GRIK2: variants seen among roughly 807,000 people sequenced by gnomAD.
The protein encoded by GRIK2 is glutamate receptor ionotropic, kainate 2.
In GRIK2, 32 loss-of-function variants were observed where a neutral mutation model predicts 100.3. That is an observed-to-expected ratio of 0.32 (90% CI 0.24 to 0.43). The LOEUF is 0.43. Among genes scored for constraint, GRIK2 ranks in the 20% least tolerant of loss-of-function variants. The pLI, the probability that GRIK2 is intolerant of heterozygous loss-of-function variation, is 1.00. For synonymous variants in GRIK2, 417 were observed against 389.4 expected, an observed-to-expected ratio of 1.07 and a Z score of -0.83; for missense variants, 843 against 1,114.9, an observed-to-expected ratio of 0.76 and a Z score of 3.47.
chr6:101,526,494 G>C (rs77577526), intron 2 of GRIK2, among the ~76,000 whole-genome samples: 5,221 of 152,246 alleles, frequency 0.034, 139 homozygotes, highest in Middle Eastern at 0.12. Context: ...ATCACAAAAT[G>C]TAGCTGGTTT....
intron 11 of GRIK2, among the ~76,000 whole-genome samples, chr6:101,861,135 TA>T (rs1483806356): frequency 6.6e-6 from 1 of 152,090 alleles, no homozygotes; most frequent in East Asian, 1.9e-4. Context: ...AAACATAAGA[TA>T]GAGATAAGTT....
chr6:102,055,475 T>C lies in GRIK2; in HGVS notation c.2457T>C (p.Asn819=). 1 of 1,613,802 alleles carries C rather than the reference T, an allele frequency of 6.2e-7. No homozygotes were observed. Among genetic ancestry groups the C allele is most frequent in the Non-Finnish European group, 8.5e-7 (1 of 1,179,812 alleles). ...AGGCCAGTGCCCTGGGGGTTCAGAATATTGGTGGCATCTTCATTGTTCTGG... is the reference window on the plus strand; with the variant it reads ...AGGCCAGTGCCCTGGGGGTTCAGAACATTGGTGGCATCTTCATTGTTCTGG... The part of the protein sequence containing the change: ...SKEASALGVQ[N]IGGIFIVLAA... The change falls in exon 16 of 17, where the codon AAT becomes AAC. Residue 819 remains asparagine (N), a synonymous_variant. Transcript: ENST00000369134.
chr6:102,003,512 G>A lies in GRIK2; in HGVS notation c.2086-31829G>A, dbSNP rs1230305589. On this transcript the variant is annotated intron_variant, in intron 14 of 16. Coordinates refer to ENST00000369134, the MANE Select transcript of GRIK2 (RefSeq NM_021956.5). Reference sequence around the variant, plus strand: ...ACTTTGTTTCTTATTTATGTTGATGGCATTAATCTTTAACAAATAATTTAG... The same window carrying A: ...ACTTTGTTTCTTATTTATGTTGATGACATTAATCTTTAACAAATAATTTAG... Among the ~76,000 whole-genome samples, 3 of 151,482 alleles carry A rather than the reference G, an allele frequency of 2.0e-5. 1 individual carries two copies. The highest frequency in any genetic ancestry group is 4.4e-5 in the Non-Finnish European group (3 of 67,722).
intron 4 of GRIK2, among the ~76,000 whole-genome samples, chr6:101,670,136 T>C (rs1305354753): frequency 1.3e-5 from 2 of 152,216 alleles, no homozygotes; most frequent in Middle Eastern, 3.4e-3. Context: ...ACTGCTTTTG[T>C]ACTTAAAAAA....
At chr6:101,431,461 C>T (rs6910891) in intron 2 of GRIK2, 7,299 of 152,166 alleles carry the variant, frequency 0.048, 351 homozygotes, top group African/African-American at 0.12. Context: ...GGCTTGGGGG[C>T]GTCATCCCCA....
chr6:101,881,901 G>A (rs893691653), intron 11 of GRIK2, among the ~76,000 whole-genome samples: 3 of 151,848 alleles, frequency 2.0e-5, no homozygotes, highest in Non-Finnish European at 2.9e-5. Flanking sequence ...CCATTTTCAC[G>A]CTGTTGATAA....
chr6:102,053,517 G>C (rs1393706735), intron 15 of GRIK2, among the ~76,000 whole-genome samples: 3 of 152,122 alleles, frequency 2.0e-5, no homozygotes, highest in Non-Finnish European at 2.9e-5. Context: ...TTTGCTGAGA[G>C]CCTATGATTT....
chr6:101,628,655 A>C (rs1363969217), intron 4 of GRIK2, among the ~76,000 whole-genome samples: 1 of 152,114 alleles, frequency 6.6e-6, no homozygotes, highest in African/African-American at 2.4e-5. Flanking sequence ...ACAAAACTAT[A>C]TAAATATAGA....
At chr6:101,402,430 C>G (rs2128235992) in intron 2 of GRIK2, among the ~76,000 whole-genome samples, 1 of 152,288 alleles carries the variant, frequency 6.6e-6, no homozygotes, top group African/African-American at 2.4e-5. Flanking sequence ...CAGCCGACTC[C>G]CACTTGGCTG....
At chr6:101,876,482 C>G (rs1785849555) in intron 11 of GRIK2, among the ~76,000 whole-genome samples, 1 of 54,540 alleles carries the variant, frequency 1.8e-5, no homozygotes, top group Admixed American at 2.4e-4. Flanking sequence ...AAAACAAAAA[C>G]AAACACACAC....
intron 2 of GRIK2, among the ~76,000 whole-genome samples, chr6:101,511,459 G>A (rs927848266): frequency 6.6e-5 from 10 of 151,890 alleles, no homozygotes; most frequent in African/African-American, 1.9e-4. Flanking sequence ...ATAGAGAGAG[G>A]TGAAGTTTAT....
intron 4 of GRIK2, among the ~76,000 whole-genome samples, chr6:101,665,584 C>A (rs1435529933): frequency 6.6e-6 from 1 of 152,200 alleles, no homozygotes; most frequent in Non-Finnish European, 1.5e-5. Flanking sequence ...CTTTCTGTCA[C>A]TAAGTTCTCT....
intron 10 of GRIK2, among the ~76,000 whole-genome samples, chr6:101,826,016 T>A: frequency 6.6e-6 from 1 of 152,104 alleles, no homozygotes; most frequent in East Asian, 1.9e-4. Context: ...CTCACAATGC[T>A]GATTTTGCCT....
intron 14 of GRIK2, among the ~76,000 whole-genome samples, chr6:101,995,421 G>T (rs1469377890): frequency 4.0e-5 from 6 of 151,322 alleles, no homozygotes; most frequent in African/African-American, 1.2e-4. Flanking sequence ...CCTTTTTTTT[G>T]AAGGCAATGT....
intron 16 of GRIK2, among the ~76,000 whole-genome samples, chr6:102,065,547 C>A (rs528133173): frequency 6.6e-6 from 1 of 151,280 alleles, no homozygotes; most frequent in Non-Finnish European, 1.5e-5. Context: ...TTACTATAGG[C>A]AAATTATTAA....
Position 102,005,443 on chromosome 6 carries a change from C to T in GRIK2, c.2086-29898C>T, listed in dbSNP as rs9485580. 8.6e-3 allele frequency among the ~76,000 whole-genome samples: 1,308 copies of T among 152,036 alleles called. 21 individuals carry two copies. The highest frequency in any genetic ancestry group is 0.03 in the African/African-American group (1,241 of 41,504). ...AATGCCAGAGTCCAATCATTGAGCT[C>T]GGGATCTATGCCTAAGTGTGATTCT... On this transcript the variant is annotated intron_variant, in intron 14 of 16. Transcript: ENST00000369134.
intron 2 of GRIK2, among the ~76,000 whole-genome samples, chr6:101,567,539 C>A (rs1327393474): frequency 6.6e-5 from 10 of 151,916 alleles, no homozygotes; most frequent in Admixed American, 6.6e-4. Flanking sequence ...ATCAACTTCA[C>A]ATTCTGGGCA....
chr6:101,914,468 G>A (rs1788964448), intron 12 of GRIK2, among the ~76,000 whole-genome samples: 1 of 151,428 alleles, frequency 6.6e-6, no homozygotes, highest in South Asian at 2.1e-4. Context: ...AATCGGCAAG[G>A]GGCTATTCCA....
chr6:101,400,302 C>T (rs1047910915), intron 2 of GRIK2, among the ~76,000 whole-genome samples: 1 of 152,094 alleles, frequency 6.6e-6, no homozygotes, highest in Non-Finnish European at 1.5e-5. Context: ...ACGTGGGATT[C>T]CAGTGGAAAC....
Sources: gnomAD v4.1 joint callset for allele counts (sites outside exome capture counted in the v4.1 genomes callset) on GRCh38, gnomAD v4.1.1 for gene constraint, MANE v1.5 for transcripts, NCBI Gene and HGNC (gene_info 2026-07-23, HGNC 2026-07-21) for gene names.